Variants in KDM2B observed in about 807,000 individuals in gnomAD.
KDM2B encodes the protein lysine demethylase 2B.
Under a neutral mutation model 150.0 loss-of-function variants are expected in KDM2B, and 26 were observed. That is an observed-to-expected ratio of 0.17 (90% CI 0.13 to 0.24). The LOEUF (loss-of-function observed/expected upper bound fraction) is 0.24, where lower values mean the gene tolerates loss of function less well. KDM2B is among the 10% of genes least tolerant of loss of function. The pLI, the probability that KDM2B is intolerant of heterozygous loss-of-function variation, is 1.00. For missense variants in KDM2B, 1,265 were observed against 1,816.9 expected, an observed-to-expected ratio of 0.70 and a Z score of 5.52; for synonymous variants, 734 against 729.5, an observed-to-expected ratio of 1.01 and a Z score of -0.10.
In KDM2B at chr12:121,520,035, G is replaced by A. The variant is rs1450580588; in HGVS notation, c.1047+950C>T. On this transcript the variant is annotated intron_variant, in intron 9 of 22. Transcript: ENST00000377071. The surrounding 1 kb of genome is among the most constrained non-coding windows in gnomAD (Gnocchi z 4.5). ...AGCCTCTCAAGTAGCTGGGACTACA[G>A]GCGTACACCACCACGCCCAGCTTTT... Among the ~76,000 whole-genome samples, 1 of 152,156 alleles carries A rather than the reference G, an allele frequency of 6.6e-6. No homozygotes were observed. The highest frequency in any genetic ancestry group is 1.5e-5 in the Non-Finnish European group (1 of 68,034).
At chr12:121,466,396 G>A (rs1879926018) in intron 12 of KDM2B, among the ~76,000 whole-genome samples, 1 of 152,130 alleles carries the variant, frequency 6.6e-6, no homozygotes, top group Non-Finnish European at 1.5e-5. Flanking sequence ...AATTCACGCC[G>A]TAAACACACC....
At chr12:121,417,450 A>C in the KDM2B span, 3 of 1,480,100 alleles carry the variant, frequency 2.0e-6, no homozygotes, top group Non-Finnish European at 2.7e-6. The surrounding 1 kb of genome is among the most constrained non-coding windows in gnomAD (Gnocchi z 5.0). Flanking sequence ...AAGAAAACTC[A>C]TGCTTTCATA....
At chr12:121,526,537 G>A (rs892745240) in intron 8 of KDM2B, among the ~76,000 whole-genome samples, 3 of 151,988 alleles carry the variant, frequency 2.0e-5, no homozygotes, top group African/African-American at 4.8e-5. Flanking sequence ...TGGTCACTGT[G>A]AGATCTTGGG....
At chr12:121,439,706 T>TC (rs1252681030) in intron 22 of KDM2B, 151 bp downstream of exon 22, 47 of 649,626 alleles carry the variant, frequency 7.2e-5, no homozygotes, top group Admixed American at 2.4e-4. Flanking sequence ...TTACTGTGTT[T>TC]CCCCCCTGGA....
intron 4 of KDM2B, among the ~76,000 whole-genome samples, chr12:121,569,851 T>C (rs1890967260): frequency 6.6e-6 from 1 of 151,806 alleles, no homozygotes; most frequent in Non-Finnish European, 1.5e-5. Context: ...TCTTTCTTTT[T>C]TTTTTTGAGA....
Position 121,443,044 on chromosome 12 carries a change from G to GA in KDM2B, c.2566-15dup. The GA allele has an allele frequency of 1.2e-6, 2 of 1,610,150 alleles. No homozygotes were observed. Among genetic ancestry groups the GA allele is most frequent in the South Asian group, 2.2e-5 (2 of 90,372 alleles). On this transcript the variant is annotated splice_polypyrimidine_tract_variant and intron_variant, in intron 17 of 22. Transcript: ENST00000377071. ...GCCAGGTTTGAGCTGTCACGAAAAAGAAAGGACGCAGAGCTTGCTCCCCGG... is the reference window on the plus strand; with the variant it reads ...GCCAGGTTTGAGCTGTCACGAAAAAGAAAAGGACGCAGAGCTTGCTCCCCGG...
At chr12:121,539,241 G>A (rs1888400613) in intron 6 of KDM2B, among the ~76,000 whole-genome samples, 1 of 149,754 alleles carries the variant, frequency 6.7e-6, no homozygotes, top group South Asian at 2.1e-4. Context: ...GCTGGGGTGG[G>A]AGGACTGCTT....
Position 121,513,409 on chromosome 12 carries a change from G to C in KDM2B, c.1048-7C>G. On this transcript the variant is annotated splice_polypyrimidine_tract_variant and splice_region_variant and intron_variant, in intron 9 of 22. Transcript: ENST00000377071. The surrounding 1 kb of genome is among the most constrained non-coding windows in gnomAD (Gnocchi z 5.0). ...AACGGAATTTGGGCTGCACCTGAAA[G>C]CAAAGACGCAGGCAGGCAGAGGTCA... The C allele has an allele frequency of 1.2e-6, 2 of 1,609,670 alleles. No homozygotes were observed. The highest frequency in any genetic ancestry group is 1.7e-6 in the Non-Finnish European group (2 of 1,176,572).
At chr12:121,532,212 G>A (rs1437034251) in intron 8 of KDM2B, among the ~76,000 whole-genome samples, 16 of 152,028 alleles carry the variant, frequency 1.1e-4, no homozygotes, top group Non-Finnish European at 1.2e-4. Context: ...TAGGTAGAAT[G>A]CTTCCATTAA....
chr12:121,419,244 G>A, the KDM2B span, among the ~76,000 whole-genome samples: 7 of 152,156 alleles, frequency 4.6e-5, no homozygotes, highest in East Asian at 5.8e-4. Flanking sequence ...GTACACTAAC[G>A]TGATGTACGG....
chr12:121,548,739 C>T, intron 6 of KDM2B, 138 bp downstream of exon 6: 3 of 666,978 alleles, frequency 4.5e-6, no homozygotes, highest in Non-Finnish European at 5.3e-6. Context: ...CCCACAGGCA[C>T]AGTCCTTCAG....
Position 121,444,064 on chromosome 12 carries a change from A to G in KDM2B, c.2399T>C (p.Leu800Pro). ...CTTCTCGTATTTCCGCTTCTTCCTC[A>G]GGTGCACGTCGTCAGACTTTCTGCG... ...LLRRKSDDVHLRKKRKYEKPQ... is the reference protein window; with the variant it reads ...LLRRKSDDVHPRKKRKYEKPQ... The change falls in exon 16 of 23, where the codon CTG becomes CCG. Residue 800 changes from leucine (L) to proline (P), a missense_variant. Physicochemically the swap from Leu to Pro is moderately conservative, Grantham distance 98. This residue lies in a region of KDM2B where 418 missense variants were observed against 402.4 expected (regional missense o/e 1.04). Coordinates refer to ENST00000377071, the MANE Select transcript of KDM2B (RefSeq NM_032590.5). 6.2e-7 allele frequency: 1 copy of G among 1,613,762 alleles called. No homozygotes were observed. Among genetic ancestry groups the G allele is most frequent in the Non-Finnish European group, 8.5e-7 (1 of 1,179,904 alleles).
the KDM2B span, among the ~76,000 whole-genome samples, chr12:121,412,058 TTTATTA>T: frequency 2.8e-4 from 42 of 152,098 alleles, 1 homozygote; most frequent in African/African-American, 9.9e-4. Flanking sequence ...GAACATTAAC[TTTATTA>T]TTATTAATTT....
Position 121,580,824 on chromosome 12 carries a change from T to C in KDM2B, c.88A>G (p.Ile30Val), listed in dbSNP as rs1891923350. 4.3e-6 allele frequency: 7 copies of C among 1,614,040 alleles called. No individual in the cohort carries two copies. Among genetic ancestry groups the C allele is most frequent in the Non-Finnish European group, 5.9e-6 (7 of 1,180,022 alleles). Residue 30 changes from isoleucine to valine, a missense_variant, in exon 1 of 23, where the codon ATA becomes GTA. Coordinates refer to ENST00000377071, the MANE Select transcript of KDM2B (RefSeq NM_032590.5). ...AAEKQKKKTV[I>V]YTKCFEFESA... is the part of the protein sequence containing the mutation. ...TCAAATTCAAAGCATTTTGTATATA[T>C]AACTGTTTTCTTTTTTTGCTTTTCT...
chr12:121,440,852 G>A lies in KDM2B; in HGVS notation c.3574C>T (p.Arg1192Trp), dbSNP rs372338495. The part of the protein sequence containing the change: ...WVEGLKDAQM[R>W]DLLSPPTDNR... ...TCTGTGGGCGGGGACAGGAGATCCC[G>A]CATCTGGGCATCCTTTAGTCCCTCC... The change falls in exon 21 of 23, where the codon CGG becomes TGG. Residue 1192 changes from arginine to tryptophan, a missense_variant. Transcript: ENST00000377071. 30 of 1,613,786 alleles carry A rather than the reference G, an allele frequency of 1.9e-5. No individual in the cohort carries two copies. Among genetic ancestry groups the A allele is most frequent in the East Asian group, 1.3e-4 (6 of 44,894 alleles).
chr12:121,456,031 G>A (rs977814050), intron 12 of KDM2B, among the ~76,000 whole-genome samples: 3 of 152,216 alleles, frequency 2.0e-5, no homozygotes, highest in Non-Finnish European at 1.5e-5. Flanking sequence ...CCCCATCTGC[G>A]GGCACCGTGG....
At chr12:121,581,246 C>T, upstream of KDM2B, 1 of 243,774 alleles carries the variant, frequency 4.1e-6, no homozygotes, top group Non-Finnish European at 7.9e-6. Context: ...CCTAACGCAG[C>T]CCGCACAGGA....
chr12:121,437,936 G>T (rs1442698150), intron 22 of KDM2B, among the ~76,000 whole-genome samples: 1 of 151,208 alleles, frequency 6.6e-6, no homozygotes, highest in Non-Finnish European at 1.5e-5. Context: ...ATAGAGATAT[G>T]CCTTAGTATA....
the KDM2B span, chr12:121,409,752 A>G: frequency 6.6e-6 from 1 of 152,216 alleles, no homozygotes; most frequent in Non-Finnish European, 1.5e-5. Flanking sequence ...ATTCCTTAGC[A>G]AGAAGTACTG....
Sources: allele counts gnomAD v4.1 joint callset (sites outside exome capture counted in the v4.1 genomes callset), GRCh38; gene constraint gnomAD v4.1.1; regional missense constraint gnomAD v4.1.1; non-coding constraint Gnocchi (gnomAD v3.1); transcripts MANE v1.5; gene names NCBI Gene and HGNC (gene_info 2026-07-23, HGNC 2026-07-21).